Variants in SLC38A10 observed in about 807,000 individuals in gnomAD.
SLC38A10 encodes Sodium-coupled neutral amino acid transporter 10.
In SLC38A10, 53 loss-of-function variants were observed where a neutral mutation model predicts 81.0. That is an observed-to-expected ratio of 0.65 (90% CI 0.53 to 0.82). The LOEUF (loss-of-function observed/expected upper bound fraction) is 0.82, where lower values mean the gene tolerates loss of function less well. Among genes scored for constraint, SLC38A10 ranks in the 40% least tolerant of loss-of-function variants. The pLI, the probability that SLC38A10 is intolerant of heterozygous loss-of-function variation, is 0.00. For missense variants in SLC38A10, 1,471 were observed against 1,545.0 expected (o/e 0.95, Z 0.80); for synonymous variants, 665 against 655.3 (o/e 1.01, Z -0.23).
intron 10 of SLC38A10, among the ~76,000 whole-genome samples, chr17:81,261,510 A>C (rs1166516598): frequency 6.6e-6 from 1 of 152,242 alleles, no homozygotes; most frequent in Non-Finnish European, 1.5e-5. Context: ...ATTCTTAAAG[A>C]AAATCAGTTC....
intron 12 of SLC38A10, 114 bp downstream of exon 12, chr17:81,252,959 C>G: frequency 7.4e-7 from 1 of 1,357,896 alleles, no homozygotes; most frequent in Non-Finnish European, 1.0e-6. Context: ...TTAGGCTGGG[C>G]TGAAGGGAAA....
In SLC38A10 at chr17:81,245,882, G is replaced by T; in HGVS notation, c.3034C>A (p.Pro1012Thr). 6.2e-7 allele frequency: 1 copy of T among 1,612,204 alleles called. No homozygotes were observed. Among genetic ancestry groups the T allele is most frequent in the Non-Finnish European group, 8.5e-7 (1 of 1,179,602 alleles). Residue 1012 changes from proline to threonine, a missense_variant, in exon 16 of 16, where the codon CCC becomes ACC. Coordinates refer to ENST00000374759, the MANE Select transcript of SLC38A10 (RefSeq NM_001037984.3). ...RGGEDAAVQEPRQRPEPELGL... is the reference protein window; with the variant it reads ...RGGEDAAVQETRQRPEPELGL... ...AGCTCTGGCTCTGGCCTCTGCCTGGGCTCCTGGACAGCAGCGTCCTCCCCG... is the reference window on the plus strand; with the variant it reads ...AGCTCTGGCTCTGGCCTCTGCCTGGTCTCCTGGACAGCAGCGTCCTCCCCG...
chr17:81,276,072 G>A lies in SLC38A10; in HGVS notation c.809C>T (p.Thr270Met), dbSNP rs770497884. 62 of 1,613,842 alleles carry A rather than the reference G, an allele frequency of 3.8e-5. No homozygotes were observed. In the South Asian group the frequency reaches 5.5e-4, roughly 14 times the overall value. The change falls in exon 8 of 16, where the codon ACG becomes ATG. Residue 270 changes from threonine (T) to methionine (M), a missense_variant. Coordinates refer to ENST00000374759, the MANE Select transcript of SLC38A10 (RefSeq NM_001037984.3). The surrounding 1 kb of genome is among the most constrained non-coding windows in gnomAD (Gnocchi z 4.7). ...CATGAAGCCCACACGGAGCATCTCC[G>A]TCACCAGGTTGGAGGGAAAGTGCAT... ...VLMHFPSNLV[T>M]EMLRVGFMMS... is the part of the protein sequence containing the mutation.
At position 81,252,175 on chromosome 17, in the gene SLC38A10, G is replaced by A. The variant is rs373752254; in HGVS notation, c.1945+20C>T. 1.5e-5 allele frequency: 22 copies of A among 1,494,138 alleles called. No homozygotes were observed. In the African/African-American group the frequency reaches 1.7e-4, roughly 11 times the overall value. 92.6% of individuals were successfully genotyped at this position (1,494,138 alleles called of 1,614,324 possible). ...CCAAGAGGGGAGTGTCTTCCGACAC[G>A]AGCCCAGGCTGACACCCACCGTGGT... On this transcript the variant is annotated intron_variant, in intron 13 of 15. Coordinates refer to ENST00000374759, the MANE Select transcript of SLC38A10 (RefSeq NM_001037984.3).
chr17:81,285,566 C>A (rs2063258201), intron 2 of SLC38A10: 1 of 152,262 alleles, frequency 6.6e-6, no homozygotes, highest in African/African-American at 2.4e-5. Flanking sequence ...GGATTCTCTG[C>A]AGCAGATGAG....
At chr17:81,259,316 C>A (rs931064313) in intron 11 of SLC38A10, among the ~76,000 whole-genome samples, 13 of 152,216 alleles carry the variant, frequency 8.5e-5, no homozygotes, top group African/African-American at 2.4e-5. Flanking sequence ...CAGATGACGC[C>A]CAGCGAATCT....
chr17:81,260,361 C>T lies in SLC38A10; in HGVS notation c.1165G>A (p.Val389Met). Residue 389 changes from valine to methionine, a missense_variant, in exon 11 of 16, where the codon GTG becomes ATG. By Grantham distance (21) the Val-to-Met change is conservative. Around this residue, in one of 2 missense-constraint regions of SLC38A10, gnomAD observed 720 missense variants for 827.7 expected, o/e 0.87. Transcript: ENST00000374759. ...ACAGACAGTGTGGTGACAGTGCTCA[C>T]CACCAGGACGCCCAGGCCGACCCAC... ...VLWVGLGVLV[V>M]STVTTLSVSE... The T allele has an allele frequency of 6.2e-7, 1 of 1,611,302 alleles. No homozygotes were observed. Among genetic ancestry groups the T allele is most frequent in the Non-Finnish European group, 8.5e-7 (1 of 1,179,338 alleles).
At chr17:81,257,730 G>A (rs890443499) in intron 11 of SLC38A10, among the ~76,000 whole-genome samples, 1 of 152,182 alleles carries the variant, frequency 6.6e-6, no homozygotes, top group Non-Finnish European at 1.5e-5. Context: ...CCACATCACC[G>A]CATTCTGGGT....
chr17:81,279,501 G>A lies in SLC38A10; in HGVS notation c.626+1108C>T, dbSNP rs527757855. Reference sequence around the variant, plus strand: ...CCGGCACAGGGGTGGGGAGGTCAGCGCAGCGGCCAGCACAAGGAGGGATGT... The same window carrying A: ...CCGGCACAGGGGTGGGGAGGTCAGCACAGCGGCCAGCACAAGGAGGGATGT... On this transcript the variant is annotated intron_variant, in intron 6 of 15. Coordinates refer to ENST00000374759, the MANE Select transcript of SLC38A10 (RefSeq NM_001037984.3). 3.7e-4 allele frequency among the ~76,000 whole-genome samples: 57 copies of A among 152,268 alleles called. 3 individuals carry two copies. In the South Asian group the frequency reaches 0.011, roughly 29 times the overall value.
Position 81,283,391 on chromosome 17 carries a change from C to A in SLC38A10, c.357+18G>T. On this transcript the variant is annotated intron_variant, in intron 4 of 15. Transcript: ENST00000374759. This position sits in a 1 kb window ranked among gnomAD's most constrained non-coding sequence, Gnocchi z 4.7. ...CCGTCAGCATCTGAACAACCCAGAACCCTGAACACATCCTTACCTGAAACC... is the reference window on the plus strand; with the variant it reads ...CCGTCAGCATCTGAACAACCCAGAAACCTGAACACATCCTTACCTGAAACC... 1 of 1,608,242 alleles carries A rather than the reference C, an allele frequency of 6.2e-7. No individual in the cohort carries two copies. The highest frequency in any genetic ancestry group is 8.5e-7 in the Non-Finnish European group (1 of 1,176,774).
At position 81,253,808 on chromosome 17, in the gene SLC38A10, TCAC is replaced by T. The variant is rs1323333895; in HGVS notation, c.1289-571_1289-569del. On this transcript the variant is annotated intron_variant, in intron 11 of 15. Transcript: ENST00000374759. This position sits in a 1 kb window ranked among gnomAD's most constrained non-coding sequence, Gnocchi z 4.1. The stretch of plus-strand genomic sequence containing the variant: ...ATCCCTACCACCATCACCATCATCA[TCAC>T]CGTCACCATCATCACCATCACCGCT... Among the ~76,000 whole-genome samples, 1 of 108,560 alleles carries T rather than the reference TCAC, an allele frequency of 9.2e-6. No homozygotes were observed. Among genetic ancestry groups the T allele is most frequent in the Non-Finnish European group, 1.9e-5 (1 of 52,910 alleles). 71.2% of individuals were successfully genotyped at this position (108,560 alleles called of 152,430 possible). A position where few individuals can be genotyped will look rare whatever the true frequency, so the allele number is the denominator to read the frequency against.
chr17:81,269,670 C>T (rs115127319), intron 10 of SLC38A10, among the ~76,000 whole-genome samples: 1,574 of 152,106 alleles, frequency 0.01, 36 homozygotes, highest in African/African-American at 0.037. Flanking sequence ...GGTGGTTCCA[C>T]GTGGTTCACT....
chr17:81,260,082 G>GC (rs1365793676), intron 11 of SLC38A10, among the ~76,000 whole-genome samples, 156 bp downstream of exon 11: 1 of 152,220 alleles, frequency 6.6e-6, no homozygotes, highest in African/African-American at 2.4e-5. Context: ...GGTGCACAGA[G>GC]CATGTTCACA....
At chr17:81,255,648 C>G (rs2062965043) in intron 11 of SLC38A10, among the ~76,000 whole-genome samples, 1 of 152,230 alleles carries the variant, frequency 6.6e-6, no homozygotes, top group Admixed American at 6.5e-5. Flanking sequence ...CCCCCAGGAA[C>G]ACCCAGCAGA....
chr17:81,293,296 G>A (rs1357347110), intron 1 of SLC38A10, among the ~76,000 whole-genome samples: 5 of 152,250 alleles, frequency 3.3e-5, no homozygotes, highest in Non-Finnish European at 7.3e-5. Flanking sequence ...AACACCCAGA[G>A]GTGGCTGGCA....
At chr17:81,266,574 G>A (rs1175580349) in intron 10 of SLC38A10, among the ~76,000 whole-genome samples, 11 of 150,730 alleles carry the variant, frequency 7.3e-5, no homozygotes, top group Non-Finnish European at 1.3e-4. Context: ...AGCAGAGATC[G>A]TGCCACTGCA....
intron 4 of SLC38A10, among the ~76,000 whole-genome samples, chr17:81,282,659 G>A (rs1172841727): frequency 6.6e-6 from 1 of 152,214 alleles, no homozygotes; most frequent in Non-Finnish European, 1.5e-5. Flanking sequence ...GGCGAGGGGT[G>A]GGAAAGGTGC....
At chr17:81,290,804 G>A (rs553276348) in intron 1 of SLC38A10, among the ~76,000 whole-genome samples, 143 of 152,074 alleles carry the variant, frequency 9.4e-4, no homozygotes, top group African/African-American at 3.3e-3. Flanking sequence ...TCAGGAGATC[G>A]AGACCCTCCT....
At chr17:81,285,686 C>T (rs912067396) in intron 2 of SLC38A10, 27 of 152,298 alleles carry the variant, frequency 1.8e-4, no homozygotes, top group African/African-American at 6.5e-4. Context: ...GTCCCGGCTC[C>T]AAGGCGCACC....
Sources: allele counts gnomAD v4.1 joint callset (sites outside exome capture counted in the v4.1 genomes callset), GRCh38; gene constraint gnomAD v4.1.1; regional missense constraint gnomAD v4.1.1; non-coding constraint Gnocchi (gnomAD v3.1); transcripts MANE v1.5; gene names NCBI Gene and HGNC (gene_info 2026-07-23, HGNC 2026-07-21).